The following TLN2 variants were observed in gnomAD, a reference collection of about 807,000 sequenced individuals.
TLN2 encodes talin-2.
TLN2 carries 118 observed loss-of-function variants against 294.7 expected under a neutral mutation model. The observed-to-expected ratio is 0.40, with a 90% CI of 0.34 to 0.47. The LOEUF (loss-of-function observed/expected upper bound fraction) is 0.47. TLN2 is among the 20% of genes least tolerant of loss of function. The pLI is 0.84. For missense variants in TLN2, 3,083 were observed against 3,282.2 expected, an observed-to-expected ratio of 0.94 and a Z score of 1.48; for synonymous variants, 1,431 against 1,304.5, an observed-to-expected ratio of 1.10 and a Z score of -2.09.
In TLN2 at chr15:62,708,525, C is replaced by G; in HGVS notation, c.2196C>G (p.Ser732=). 1 of 1,613,914 alleles carries G rather than the reference C, an allele frequency of 6.2e-7. No homozygotes were observed. Among genetic ancestry groups the G allele is most frequent in the Non-Finnish European group, 8.5e-7 (1 of 1,179,856 alleles). The change falls in exon 21 of 59, where the codon TCC becomes TCG. Residue 732 remains serine (S), a synonymous_variant. Transcript: ENST00000636159. The part of the protein sequence containing the change: ...CAKVVSPTIS[S]PVCQEQLIEA... Reference sequence around the variant, plus strand: ...AGGTTGTGAGCCCCACTATTAGCTCCCCTGTGTGCCAGGAGCAGCTGATTG... The same window carrying G: ...AGGTTGTGAGCCCCACTATTAGCTCGCCTGTGTGCCAGGAGCAGCTGATTG...
intron 23 of TLN2, among the ~76,000 whole-genome samples, chr15:62,716,711 A>G (rs1210078555): frequency 6.6e-6 from 1 of 152,096 alleles, no homozygotes; most frequent in Non-Finnish European, 1.5e-5. Flanking sequence ...TTTTTTTTCT[A>G]TCATTAAAGG....
At chr15:62,648,953 C>T (rs1251004760) in intron 4 of TLN2, among the ~76,000 whole-genome samples, 1 of 152,064 alleles carries the variant, frequency 6.6e-6, no homozygotes, top group Non-Finnish European at 1.5e-5. Context: ...TCAAGTGATC[C>T]TCTCGCCTCA....
intron 46 of TLN2, 124 bp downstream of exon 46, chr15:62,792,911 C>T (rs2065177444): frequency 7.0e-7 from 1 of 1,436,296 alleles, no homozygotes; most frequent in Non-Finnish European, 9.4e-7. Flanking sequence ...CTGTCTCATC[C>T]CGATCTTCCC....
At chr15:62,631,035 G>A (rs6494332) in intron 3 of TLN2, among the ~76,000 whole-genome samples, 149,553 of 152,264 alleles carry the variant, frequency 0.98, 73,482 homozygotes, top group Non-Finnish European at 1. Flanking sequence ...GCATTGAAAT[G>A]CTTAGCTAGC....
At chr15:62,753,339 C>T (rs1037640004) in intron 35 of TLN2, among the ~76,000 whole-genome samples, 6 of 152,276 alleles carry the variant, frequency 3.9e-5, no homozygotes, top group African/African-American at 7.2e-5. Context: ...GCAGGCTCCA[C>T]GGTTGGCTGA....
intron 12 of TLN2, chr15:62,690,229 C>T (rs562072110): frequency 0.08 from 12,609 of 157,098 alleles, 797 homozygotes; most frequent in African/African-American, 0.19. Context: ...GGCTGCCGGG[C>T]GGAGAGGCTC....
intron 46 of TLN2, among the ~76,000 whole-genome samples, chr15:62,793,668 C>T (rs1025775211): frequency 1.3e-5 from 2 of 152,106 alleles, no homozygotes; most frequent in Non-Finnish European, 2.9e-5. Flanking sequence ...TCTATTCTCC[C>T]CCAGTATGCG....
At chr15:62,560,760 G>T (rs2042893787) in intron 1 of TLN2, among the ~76,000 whole-genome samples, 1 of 152,226 alleles carries the variant, frequency 6.6e-6, no homozygotes, top group Admixed American at 6.5e-5. Flanking sequence ...TTGCAGGGTG[G>T]ACTCTGCCTG....
chr15:62,527,560 G>A (rs1331756045), intron 1 of TLN2, among the ~76,000 whole-genome samples: 1 of 152,160 alleles, frequency 6.6e-6, no homozygotes, highest in Non-Finnish European at 1.5e-5. Flanking sequence ...ATAGTGGTAA[G>A]TCATTCCCAA....
At chr15:62,761,548 ATTG>A in intron 37 of TLN2, 130 bp from the exon 38 acceptor site, 2 of 1,259,136 alleles carry the variant, frequency 1.6e-6, no homozygotes, top group South Asian at 2.8e-5. Flanking sequence ...GTTCCTATTT[ATTG>A]TTTATGAAGT....
In TLN2 at chr15:62,819,517, T is replaced by C; in HGVS notation, c.6773T>C (p.Ile2258Thr). The change falls in exon 53 of 59, where the codon ATT becomes ACT. Residue 2258 changes from isoleucine to threonine, a missense_variant and splice_region_variant. Transcript: ENST00000636159. ...CTCTGACTTGTTCTTCACCTGTAGATTCTTCAGAAACCAACCCCAGAATTC... is the reference window on the plus strand; with the variant it reads ...CTCTGACTTGTTCTTCACCTGTAGACTCTTCAGAAACCAACCCCAGAATTC... ...YLDLLEHVLV[I>T]LQKPTPEFKQ... The C allele has an allele frequency of 6.2e-7, 1 of 1,613,982 alleles. No homozygotes were observed. Among genetic ancestry groups the C allele is most frequent in the Non-Finnish European group, 8.5e-7 (1 of 1,179,886 alleles).
At chr15:62,450,336 G>A (rs112621501) in intron 1 of TLN2, among the ~76,000 whole-genome samples, 13 of 152,298 alleles carry the variant, frequency 8.5e-5, no homozygotes, top group African/African-American at 3.1e-4. Flanking sequence ...TGGTGTATCC[G>A]AGTCACCGTG....
intron 1 of TLN2, among the ~76,000 whole-genome samples, chr15:62,480,968 C>T (rs1205596559): frequency 1.3e-5 from 2 of 152,174 alleles, no homozygotes; most frequent in African/African-American, 2.4e-5. Flanking sequence ...ATTGACAGGG[C>T]AGTTGGGATG....
intron 3 of TLN2, among the ~76,000 whole-genome samples, chr15:62,641,531 G>A (rs918166600): frequency 1.3e-5 from 2 of 151,984 alleles, no homozygotes; most frequent in African/African-American, 2.4e-5. Flanking sequence ...CAGGAGAATC[G>A]TTTGAACCGG....
intron 1 of TLN2, among the ~76,000 whole-genome samples, chr15:62,533,698 A>G (rs1053084311): frequency 6.6e-5 from 10 of 152,172 alleles, no homozygotes; most frequent in Admixed American, 5.2e-4. Flanking sequence ...GATGGCAGGT[A>G]TTTAGATGTC....
chr15:62,463,746 G>GGACTA (rs2036949497), intron 1 of TLN2, among the ~76,000 whole-genome samples: 1 of 152,158 alleles, frequency 6.6e-6, no homozygotes, highest in Admixed American at 6.5e-5. Flanking sequence ...AATTAGCCAG[G>GGACTA]CGTGGTGGTG....
At chr15:62,771,379 A>T (rs939610766) in intron 42 of TLN2, among the ~76,000 whole-genome samples, 2 of 152,228 alleles carry the variant, frequency 1.3e-5, no homozygotes, top group African/African-American at 4.8e-5. Flanking sequence ...GGGAAGAAAA[A>T]TGTATGGTGC....
intron 2 of TLN2, among the ~76,000 whole-genome samples, chr15:62,609,481 C>T (rs1037705635): frequency 6.6e-6 from 1 of 152,202 alleles, no homozygotes; most frequent in Non-Finnish European, 1.5e-5. Flanking sequence ...CTCCTTCAGG[C>T]TGGAACAGTT....
intron 52 of TLN2, among the ~76,000 whole-genome samples, chr15:62,816,940 C>T (rs944092061): frequency 3.9e-5 from 6 of 152,110 alleles, no homozygotes; most frequent in African/African-American, 1.4e-4. Context: ...ACAACTATGG[C>T]CACATGAGTC....
Sources: allele counts gnomAD v4.1 joint callset (sites outside exome capture counted in the v4.1 genomes callset), GRCh38; gene constraint gnomAD v4.1.1; transcripts MANE v1.5; gene names NCBI Gene and HGNC (gene_info 2026-07-23, HGNC 2026-07-21).